RNFT2: variants seen among roughly 807,000 people sequenced by gnomAD.
RNFT2 encodes E3 ubiquitin-protein ligase RNFT2.
In RNFT2, 36 loss-of-function variants were observed where a neutral mutation model predicts 53.0. The ratio of observed to expected loss-of-function variants is 0.68; its 90% CI spans 0.52 to 0.90. RNFT2 has a LOEUF of 0.90. Among genes scored for constraint, RNFT2 ranks in the 40% least tolerant of loss-of-function variants. The pLI is 0.00. For synonymous variants in RNFT2, 260 were observed against 253.2 expected (o/e 1.03, Z -0.26); for missense variants, 514 against 585.6 (o/e 0.88, Z 1.26).
chr12:116,806,687 G>A (rs1407493539), intron 7 of RNFT2, among the ~76,000 whole-genome samples: 1 of 150,320 alleles, frequency 6.7e-6, no homozygotes, highest in Non-Finnish European at 1.5e-5. Flanking sequence ...CGAGGCTGCA[G>A]TGAGCCATGG....
rs565880896 is a variant in RNFT2, at chr12:116,750,210, C to T, written c.453C>T (p.Pro151=). The T allele has an allele frequency of 5.6e-6, 9 of 1,605,086 alleles. No individual in the cohort carries two copies. Among genetic ancestry groups the T allele is most frequent in the African/African-American group, 1.3e-5 (1 of 74,954 alleles). The change falls in exon 4 of 11, where the codon CCC becomes CCT. Residue 151 remains proline (P), a synonymous_variant. Transcript: ENST00000257575. ...GGDEQPGTPA[P]ALSELKAVIC... ...ACGAGCAGCCTGGGACGCCCGCCCC[C>T]GCCCTGTCCGAGCTGAAGGCTGTGA...
chr12:116,841,836 TATATATATAA>T (rs1445090412), intron 10 of RNFT2, among the ~76,000 whole-genome samples: 2,206 of 25,914 alleles, frequency 0.085, 282 homozygotes, highest in African/African-American at 0.24. Flanking sequence ...TATATATAAA[TATATATATAA>T]ATATATATAA....
chr12:116,833,024 C>A (rs1022316060), intron 7 of RNFT2, among the ~76,000 whole-genome samples: 1 of 151,116 alleles, frequency 6.6e-6, no homozygotes, highest in African/African-American at 2.4e-5. Context: ...AGCAATTCTC[C>A]TGCCTCGCTT....
chr12:116,852,076 C>T lies in RNFT2; in HGVS notation c.*2628C>T. 9.1e-7 allele frequency: 1 copy of T among 1,101,922 alleles called. No individual in the cohort carries two copies. The highest frequency in any genetic ancestry group is 1.2e-6 in the Non-Finnish European group (1 of 800,192). 68.3% of individuals were successfully genotyped at this position (1,101,922 alleles called of 1,614,324 possible). A position where few individuals can be genotyped will look rare whatever the true frequency, so the allele number is the denominator to read the frequency against. ...CACTTCTCCACCTCTGAAATGTTCC[C>T]TGCTCTGAAATCTGGCATGAGATGG... On this transcript the variant is annotated 3_prime_UTR_variant, in exon 11 of 11. Transcript: ENST00000257575.
intron 7 of RNFT2, among the ~76,000 whole-genome samples, chr12:116,794,319 TG>T (rs2137139247): frequency 6.6e-6 from 1 of 151,956 alleles, no homozygotes; most frequent in South Asian, 2.1e-4. Context: ...AGGCCAGGGC[TG>T]GGCATAGTGG....
Position 116,845,450 on chromosome 12 carries a change from T to A in RNFT2, c.1201-3864T>A, listed in dbSNP as rs182345357. Among the ~76,000 whole-genome samples, 727 of 151,858 alleles carry A rather than the reference T, an allele frequency of 4.8e-3. 7 individuals are homozygous for A. The highest frequency in any genetic ancestry group is 0.016 in the African/African-American group (656 of 41,376). On this transcript the variant is annotated intron_variant, in intron 10 of 10. Coordinates refer to ENST00000257575, the MANE Select transcript of RNFT2 (RefSeq NM_001382266.1). ...GTAACAGGATGGAATCGGGGCAACA[T>A]CATAAAACAGGGGAGACATGATTGC...
At chr12:116,839,302 T>G (rs1254801668) in intron 10 of RNFT2, among the ~76,000 whole-genome samples, 1 of 151,862 alleles carries the variant, frequency 6.6e-6, no homozygotes, top group Non-Finnish European at 1.5e-5. Context: ...ATTGGATGGA[T>G]GGATGGATGG....
At chr12:116,765,839 G>C (rs1187058060) in intron 5 of RNFT2, among the ~76,000 whole-genome samples, 1 of 152,146 alleles carries the variant, frequency 6.6e-6, no homozygotes, top group East Asian at 1.9e-4. Flanking sequence ...GGTCAGTCCA[G>C]GGCAGCGGGC....
In RNFT2 at chr12:116,750,046, G is replaced by T; in HGVS notation, c.289G>T (p.Glu97Ter). Residue 97 changes from glutamate to a stop codon, truncating the protein, a stop_gained, in exon 4 of 11, where the codon GAA (glutamate) becomes TAA (stop). Coordinates refer to ENST00000257575, the MANE Select transcript of RNFT2 (RefSeq NM_001382266.1). LOFTEE classifies it high-confidence loss of function. ...CATCCAGATGCCCGCGTCCAGGGAG[G>T]AAGGAGGGGGCCGGGGCGAGGGGGG... is the stretch of plus-strand genomic sequence containing the variant. ...VFIQMPASRE[E>*]GGGRGEGGAY... The T allele has an allele frequency of 6.4e-7, 1 of 1,551,256 alleles. No individual in the cohort carries two copies. Among genetic ancestry groups the T allele is most frequent in the Non-Finnish European group, 8.7e-7 (1 of 1,149,252 alleles).
At chr12:116,825,994 G>A (rs565708266) in intron 7 of RNFT2, among the ~76,000 whole-genome samples, 5 of 151,882 alleles carry the variant, frequency 3.3e-5, no homozygotes, top group Non-Finnish European at 7.4e-5. Context: ...AAAAAAAAAG[G>A]TTTCATCTCT....
chr12:116,808,770 G>T (rs992818912), intron 7 of RNFT2, among the ~76,000 whole-genome samples: 9 of 152,202 alleles, frequency 5.9e-5, no homozygotes, highest in African/African-American at 2.2e-4. Context: ...GGGAGGAGGG[G>T]CGGTCAGGCC....
intron 7 of RNFT2, among the ~76,000 whole-genome samples, chr12:116,819,772 T>C (rs1875910891): frequency 6.6e-6 from 1 of 152,196 alleles, no homozygotes; most frequent in African/African-American, 2.4e-5. Context: ...ACTTACATAC[T>C]GTGGAGTGCC....
chr12:116,752,416 T>C (rs1468024413), intron 4 of RNFT2, among the ~76,000 whole-genome samples: 1 of 152,178 alleles, frequency 6.6e-6, no homozygotes, highest in Non-Finnish European at 1.5e-5. Context: ...AGTATGATCA[T>C]TTTATTTTTC....
intron 5 of RNFT2, among the ~76,000 whole-genome samples, chr12:116,756,451 T>C (rs1872513825): frequency 6.6e-6 from 1 of 152,186 alleles, no homozygotes; most frequent in South Asian, 2.1e-4. Context: ...GTTTGTTTTA[T>C]ATTGGCTGTG....
chr12:116,751,406 CTGTT>C (rs1223248079), intron 4 of RNFT2, among the ~76,000 whole-genome samples: 3 of 151,818 alleles, frequency 2.0e-5, no homozygotes, highest in African/African-American at 7.3e-5. Context: ...ATACTGTTTT[CTGTT>C]TGTTTGTTTT....
At chr12:116,754,601 C>G (rs1243200050) in intron 5 of RNFT2, among the ~76,000 whole-genome samples, 1 of 152,170 alleles carries the variant, frequency 6.6e-6, no homozygotes, top group African/African-American at 2.4e-5. Flanking sequence ...TACATTCCCA[C>G]CAGCAGTGTA....
intron 7 of RNFT2, among the ~76,000 whole-genome samples, chr12:116,826,362 A>G (rs145516316): frequency 5.3e-4 from 80 of 152,076 alleles, no homozygotes; most frequent in African/African-American, 1.7e-3. Flanking sequence ...TCCTGCAACA[A>G]TTGCTACCGT....
chr12:116,833,473 C>A (rs1316849758), intron 7 of RNFT2, among the ~76,000 whole-genome samples: 1 of 152,210 alleles, frequency 6.6e-6, no homozygotes, highest in African/African-American at 2.4e-5. Context: ...TTCCAAGCCA[C>A]AGCGAGACCC....
chr12:116,771,484 A>T (rs1450090040), intron 6 of RNFT2, among the ~76,000 whole-genome samples: 2,051 of 115,248 alleles, frequency 0.018, 87 homozygotes, highest in African/African-American at 0.021. Context: ...AAAAAAAAAA[A>T]AAAAAAAAAA....
Sources: allele counts gnomAD v4.1 joint callset (sites outside exome capture counted in the v4.1 genomes callset), GRCh38; gene constraint gnomAD v4.1.1; transcripts MANE v1.5; gene names NCBI Gene and HGNC (gene_info 2026-07-23, HGNC 2026-07-21).